The following FLT4 variants were observed in gnomAD, a reference collection of about 807,000 sequenced individuals.
FLT4 encodes the protein vascular endothelial growth factor receptor 3.
A neutral mutation model predicts 163.2 loss-of-function variants in FLT4; 30 were observed. The observed-to-expected ratio is 0.18, with a 90% confidence interval of 0.14 to 0.25. FLT4 has a LOEUF of 0.25. Among genes scored for constraint, FLT4 ranks in the 10% least tolerant of loss-of-function variants. FLT4 has a pLI of 1.00. For missense variants in FLT4, 1,510 were observed against 1,863.8 expected, an observed-to-expected ratio of 0.81 and a Z score of 3.50; for synonymous variants, 884 against 789.5, an observed-to-expected ratio of 1.12 and a Z score of -2.01.
Position 180,630,757 on chromosome 5 carries a change from C to T in FLT4, c.198G>A (p.Glu66=), listed in dbSNP as rs757371598. The T allele has an allele frequency of 1.9e-6, 3 of 1,608,350 alleles. No homozygotes were observed. Among genetic ancestry groups the T allele is most frequent in the African/African-American group, 1.3e-5 (1 of 74,898 alleles). ...TGTCCTTGTCTCCGGTGGCTGGCGCCTCCTGAGCTCCTGGCCAAGCCCACT... is the reference window on the plus strand; with the variant it reads ...TGTCCTTGTCTCCGGTGGCTGGCGCTTCCTGAGCTCCTGGCCAAGCCCACT... The part of the protein sequence containing the change: ...PLEWAWPGAQ[E]APATGDKDSE... Residue 66 remains glutamate, a synonymous_variant, in exon 3 of 30, where the codon GAG becomes GAA. Coordinates refer to ENST00000261937, the MANE Select transcript of FLT4 (RefSeq NM_182925.5). The surrounding 1 kb of genome is among the most constrained non-coding windows in gnomAD (Gnocchi z 6.3).
rs1482445803 is a variant in FLT4, at chr5:180,602,521, G to A, written c.*671C>T. 2 of 399,000 alleles carry A rather than the reference G, an allele frequency of 5.0e-6. No homozygotes were observed. Among genetic ancestry groups the A allele is most frequent in the Non-Finnish European group, 8.8e-6 (2 of 226,702 alleles). 24.7% of individuals were successfully genotyped at this position (399,000 alleles called of 1,614,324 possible). On this transcript the variant is annotated 3_prime_UTR_variant, in exon 30 of 30. Coordinates refer to ENST00000261937, the MANE Select transcript of FLT4 (RefSeq NM_182925.5). Reference sequence around the variant, plus strand: ...GAAGTTCTGTTGAAAAAGACTTGCAGGATGGCTCTCAACACCCAGGCGCAG... The same window carrying A: ...GAAGTTCTGTTGAAAAAGACTTGCAAGATGGCTCTCAACACCCAGGCGCAG...
chr5:180,619,468 G>A (rs1454038437), intron 18 of FLT4, 102 bp from the exon 19 acceptor site: 6 of 1,027,908 alleles, frequency 5.8e-6, no homozygotes, highest in Non-Finnish European at 9.1e-6. Context: ...GGGCCCCCAG[G>A]ACATCCTGCC....
intron 1 of FLT4, among the ~76,000 whole-genome samples, chr5:180,646,366 C>T (rs1765490054): frequency 6.6e-6 from 1 of 152,168 alleles, no homozygotes; most frequent in African/African-American, 2.4e-5. Context: ...GCTGCTGGCA[C>T]TGCCGCATCT....
chr5:180,622,759 A>G lies in FLT4; in HGVS notation c.1629T>C (p.Asp543=). 6.2e-7 allele frequency: 1 copy of G among 1,612,882 alleles called. No homozygotes were observed. Among genetic ancestry groups the G allele is most frequent in the Non-Finnish European group, 8.5e-7 (1 of 1,179,272 alleles). Residue 543 remains aspartate, a synonymous_variant, in exon 12 of 30, where the codon GAT becomes GAC. Transcript: ENST00000261937. The part of the protein sequence containing the change: ...KCVVSNKVGQ[D]ERLIYFYVTT... Reference sequence around the variant, plus strand: ...TCACATAGAAGTAGATGAGCCGCTCATCCTGGCCCACCTTGTTGGAGACCA... The same window carrying G: ...TCACATAGAAGTAGATGAGCCGCTCGTCCTGGCCCACCTTGTTGGAGACCA...
In FLT4 at chr5:180,620,531, C is replaced by T; in HGVS notation, c.2406+78G>A. On this transcript the variant is annotated intron_variant, in intron 16 of 29. Coordinates refer to ENST00000261937, the MANE Select transcript of FLT4 (RefSeq NM_182925.5). The surrounding 1 kb of genome is among the most constrained non-coding windows in gnomAD (Gnocchi z 4.4). ...CTGCCAGGTGAACTAGGGCGGGCAC[C>T]TTATTCTTTATCTTAGGGGCGGCCA... The T allele has an allele frequency of 1.5e-6, 2 of 1,298,014 alleles. No homozygotes were observed. Among genetic ancestry groups the T allele is most frequent in the South Asian group, 2.4e-5 (2 of 83,054 alleles). The allele number at this position is 1,298,014 out of a possible 1,614,324, so 80.4% of individuals were successfully genotyped here.
intron 1 of FLT4, among the ~76,000 whole-genome samples, chr5:180,639,998 T>TTCTG (rs1764981132): frequency 1.3e-5 from 2 of 152,296 alleles, no homozygotes; most frequent in South Asian, 4.1e-4. Context: ...AAGGCCAGAA[T>TTCTG]GCATACCTCC....
intron 1 of FLT4, 134 bp from the exon 2 acceptor site, chr5:180,631,912 C>CCCCAT: frequency 7.4e-6 from 5 of 676,272 alleles, no homozygotes; most frequent in South Asian, 1.6e-5. Context: ...CAGCCAGCAC[C>CCCCAT]GCGTGGCCTG....
In FLT4 at chr5:180,628,961, T is replaced by C. The variant is rs758647889; in HGVS notation, c.1024A>G (p.Ile342Val). Reference protein sequence around the residue: ...FISVEWLKGPILEATAGDELV... With the variant: ...FISVEWLKGPVLEATAGDELV... ...TCGTCTCCTGCCGTGGCCTCCAGGATGGGTCCTTTGAGCCACTCGACGCTG... is the reference window on the plus strand; with the variant it reads ...TCGTCTCCTGCCGTGGCCTCCAGGACGGGTCCTTTGAGCCACTCGACGCTG... The change falls in exon 8 of 30, where the codon ATC becomes GTC. Residue 342 changes from isoleucine to valine, a missense_variant. Physicochemically the swap from Ile to Val is conservative, Grantham distance 29. Around this residue, in one of 5 missense-constraint regions of FLT4, gnomAD observed 878 missense variants for 1,016.7 expected, o/e 0.86. Coordinates refer to ENST00000261937, the MANE Select transcript of FLT4 (RefSeq NM_182925.5). 5 of 1,612,758 alleles carry C rather than the reference T, an allele frequency of 3.1e-6. No individual in the cohort carries two copies. The highest frequency in any genetic ancestry group is 4.2e-6 in the Non-Finnish European group (5 of 1,179,938).
chr5:180,620,054 G>A lies in FLT4; in HGVS notation c.2542+119C>T, dbSNP rs1284277616. On this transcript the variant is annotated intron_variant, in intron 17 of 29. Transcript: ENST00000261937. This position sits in a 1 kb window ranked among gnomAD's most constrained non-coding sequence, Gnocchi z 4.4. ...TAGGTACCCACGCCCACAGGGACAGGTCAGGCCAGGCGGAACTTCCTGGTG... is the reference window on the plus strand; with the variant it reads ...TAGGTACCCACGCCCACAGGGACAGATCAGGCCAGGCGGAACTTCCTGGTG... The A allele has an allele frequency of 9.6e-5, 127 of 1,321,736 alleles. No individual in the cohort carries two copies. The highest frequency in any genetic ancestry group is 1.2e-4 in the Non-Finnish European group (118 of 953,234). 81.9% of individuals were successfully genotyped at this position (1,321,736 alleles called of 1,614,324 possible).
At chr5:180,641,955 T>C (rs1213969060) in intron 1 of FLT4, among the ~76,000 whole-genome samples, 1 of 152,122 alleles carries the variant, frequency 6.6e-6, no homozygotes, top group Non-Finnish European at 1.5e-5. Flanking sequence ...ACGCCTGTAA[T>C]CACAGCACTT....
At chr5:180,645,945 G>A (rs1429766534) in intron 1 of FLT4, among the ~76,000 whole-genome samples, 1 of 152,190 alleles carries the variant, frequency 6.6e-6, no homozygotes, top group African/African-American at 2.4e-5. Flanking sequence ...TCAGAGGGAC[G>A]TGGGGCACAG....
At position 180,612,675 on chromosome 5, in the gene FLT4, C is replaced by T. The variant is rs1274611741; in HGVS notation, c.3432-64G>A. 3.2e-6 allele frequency: 4 copies of T among 1,233,484 alleles called. No homozygotes were observed. In the African/African-American group the frequency reaches 5.9e-5, roughly 18 times the overall value. 76.4% of individuals were successfully genotyped at this position (1,233,484 alleles called of 1,614,324 possible). On this transcript the variant is annotated intron_variant, in intron 25 of 29. Transcript: ENST00000261937. ...ACCCCCGTCCCAGGACCTTCAGTGCCCCAGCCTTCCTGGGCCCTCTCACCC... is the reference window on the plus strand; with the variant it reads ...ACCCCCGTCCCAGGACCTTCAGTGCTCCAGCCTTCCTGGGCCCTCTCACCC...
At position 180,621,867 on chromosome 5, in the gene FLT4, G is replaced by A. The variant is rs1019978799; in HGVS notation, c.1695C>T (p.Ser565=). Residue 565 remains serine (S), a synonymous_variant, in exon 13 of 30, where the codon TCC becomes TCT. Coordinates refer to ENST00000261937, the MANE Select transcript of FLT4 (RefSeq NM_182925.5). ...PDGFTIESKP[S]EELLEGQPVL... is the part of the protein sequence containing the mutation. ...CCGGCTGGCCCTCTAGTAGCTCCTC[G>A]GATGGCTTGGATTCGATGGTGAAGC... 2 of 1,613,462 alleles carry A rather than the reference G, an allele frequency of 1.2e-6. No homozygotes were observed. Among genetic ancestry groups the A allele is most frequent in the East Asian group, 2.2e-5 (1 of 44,874 alleles).
At position 180,618,824 on chromosome 5, in the gene FLT4, C is replaced by G. The variant is rs1213825125; in HGVS notation, c.2947G>C (p.Ala983Pro). 1.3e-6 allele frequency: 2 copies of G among 1,585,634 alleles called. No individual in the cohort carries two copies. Among genetic ancestry groups the G allele is most frequent in the South Asian group, 2.3e-5 (2 of 86,980 alleles). The change falls in exon 21 of 30, where the codon GCG (alanine) becomes CCG (proline). Residue 983 changes from alanine (A) to proline (P), a missense_variant. This residue lies in a region of FLT4 where 878 missense variants were observed against 1,016.7 expected (regional missense o/e 0.86). Coordinates refer to ENST00000261937, the MANE Select transcript of FLT4 (RefSeq NM_182925.5). ...CCGCCCTCGGTCTTCGAGAACCGCG[C>G]GAAGAGGACCCTGTCGCTGCTCCCC... ...RPGSSDRVLF[A>P]RFSKTEGGAR...
At position 180,623,727 on chromosome 5, in the gene FLT4, G is replaced by A. The variant is rs564963292; in HGVS notation, c.1548+208C>T. ...TTCCTTGTCTGGGAAGCCGCCAGAG[G>A]TCCGCCCTCCATCACAAAGCCGGAG... On this transcript the variant is annotated intron_variant, in intron 11 of 29. Coordinates refer to ENST00000261937, the MANE Select transcript of FLT4 (RefSeq NM_182925.5). This position sits in a 1 kb window ranked among gnomAD's most constrained non-coding sequence, Gnocchi z 5.8. 7.5e-4 allele frequency among the ~76,000 whole-genome samples: 114 copies of A among 152,280 alleles called. No homozygotes were observed. The highest frequency in any genetic ancestry group is 2.7e-3 in the African/African-American group (112 of 41,566).
At chr5:180,641,544 GA>G (rs1419321490) in intron 1 of FLT4, among the ~76,000 whole-genome samples, 4 of 152,212 alleles carry the variant, frequency 2.6e-5, no homozygotes, top group Admixed American at 2.6e-4. Context: ...AGCTGGCGGG[GA>G]GCAACGGAGC....
At chr5:180,649,725 C>A (rs1765656050), upstream of FLT4, 2 of 186,412 alleles carry the variant, frequency 1.1e-5, no homozygotes, top group Non-Finnish European at 2.1e-5. Context: ...CGCGGGGCGT[C>A]CGGTGCACCC....
At position 180,612,606 on chromosome 5, in the gene FLT4, C is replaced by A; in HGVS notation, c.3437G>T (p.Arg1146Leu). Residue 1146 changes from arginine to leucine, a missense_variant, in exon 26 of 30, where the codon CGC becomes CTC. Coordinates refer to ENST00000261937, the MANE Select transcript of FLT4 (RefSeq NM_182925.5). ...TCCGGACCAGCAGTTCAGCATGATGCGGCGTCTGCAGGATCACGTGGGCTG... is the reference window on the plus strand; with the variant it reads ...TCCGGACCAGCAGTTCAGCATGATGAGGCGTCTGCAGGATCACGTGGGCTG... Reference protein sequence around the residue: ...APELATPAIRRIMLNCWSGDP... With the variant: ...APELATPAIRLIMLNCWSGDP... 6.2e-7 allele frequency: 1 copy of A among 1,612,708 alleles called. No homozygotes were observed.
At chr5:180,640,052 G>C (rs1485078383) in intron 1 of FLT4, among the ~76,000 whole-genome samples, 2 of 152,178 alleles carry the variant, frequency 1.3e-5, no homozygotes. Context: ...CTCCGTCCTC[G>C]GGCCACGGGG....
Sources: allele counts gnomAD v4.1 joint callset (sites outside exome capture counted in the v4.1 genomes callset), GRCh38; gene constraint gnomAD v4.1.1; regional missense constraint gnomAD v4.1.1; non-coding constraint Gnocchi (gnomAD v3.1); transcripts MANE v1.5; gene names NCBI Gene and HGNC (gene_info 2026-07-23, HGNC 2026-07-21).